DNAH14: variants seen among roughly 807,000 people sequenced by gnomAD.
The protein encoded by DNAH14 is dynein axonemal heavy chain 14.
DNAH14 carries 478 observed loss-of-function variants against 520.9 expected under a neutral mutation model. That is an observed-to-expected ratio of 0.92 (90% CI 0.85 to 0.99). DNAH14 has a LOEUF of 0.99. DNAH14 is among the 50% of genes least tolerant of loss of function. DNAH14 has a pLI of 0.00. For missense variants in DNAH14, 4,831 were observed against 5,234.5 expected, an observed-to-expected ratio of 0.92 and a Z score of 2.38; for synonymous variants, 1,581 against 1,757.2, an observed-to-expected ratio of 0.90 and a Z score of 2.51.
chr1:224,931,616 G>C (rs1298542448), intron 1 of DNAH14, among the ~76,000 whole-genome samples: 2 of 151,972 alleles, frequency 1.3e-5, no homozygotes, highest in East Asian at 3.9e-4. Flanking sequence ...TTATCTATTT[G>C]TCCACTCTCT....
chr1:225,392,587 C>T (rs1410067444), intron 84 of DNAH14, 136 bp downstream of exon 84: 1 of 1,053,214 alleles, frequency 9.5e-7, no homozygotes, highest in African/African-American at 1.6e-5. Flanking sequence ...TCAACAAGCC[C>T]TGCTTCAAGT....
intron 38 of DNAH14, among the ~76,000 whole-genome samples, chr1:225,201,550 A>G (rs2086822278): frequency 6.6e-6 from 1 of 152,202 alleles, no homozygotes; most frequent in Non-Finnish European, 1.5e-5. Context: ...TTTGTCCCAC[A>G]GGGTATTCCC....
chr1:225,233,317 A>T (rs1420695236), intron 42 of DNAH14, among the ~76,000 whole-genome samples: 1 of 152,202 alleles, frequency 6.6e-6, no homozygotes, highest in African/African-American at 2.4e-5. Context: ...TTCTGGGTAT[A>T]TACCCAGTAA....
At chr1:225,049,543 A>G (rs997476667) in intron 15 of DNAH14, among the ~76,000 whole-genome samples, 1 of 152,026 alleles carries the variant, frequency 6.6e-6, no homozygotes, top group Non-Finnish European at 1.5e-5. Flanking sequence ...CTTACTTTTG[A>G]TAAAGTACAG....
At position 225,333,345 on chromosome 1, in the gene DNAH14, G is replaced by A; in HGVS notation, c.9919G>A (p.Gly3307Ser). Residue 3307 changes from glycine (G) to serine (S), a missense_variant, in exon 66 of 86, where the codon GGT (glycine) becomes AGT (serine). By Grantham distance (56) the Gly-to-Ser change is moderately conservative (BLOSUM62 0). Transcript: ENST00000682510. ...AGATAACAAATTAGAAGGAATTTTG[G>A]GTGACATACTTCTTTCAGCAGCGTG... ...QIDNKLEGILGDILLSAACIV... is the reference protein window; with the variant it reads ...QIDNKLEGILSDILLSAACIV... The A allele has an allele frequency of 6.4e-7, 1 of 1,551,624 alleles. No homozygotes were observed. Among genetic ancestry groups the A allele is most frequent in the Non-Finnish European group, 8.7e-7 (1 of 1,146,888 alleles).
intron 8 of DNAH14, among the ~76,000 whole-genome samples, chr1:224,978,487 G>T (rs750477471): frequency 1.3e-5 from 2 of 152,162 alleles, no homozygotes; most frequent in East Asian, 3.8e-4. Flanking sequence ...TAAAACTGTG[G>T]TTATTAGATG....
intron 73 of DNAH14, among the ~76,000 whole-genome samples, chr1:225,357,020 A>G (rs2095436816): frequency 6.6e-6 from 1 of 152,126 alleles, no homozygotes. Context: ...GACCTGTAAG[A>G]GTTAGAAATT....
intron 23 of DNAH14, among the ~76,000 whole-genome samples, chr1:225,116,049 G>A (rs1165851593): frequency 6.6e-6 from 1 of 152,206 alleles, no homozygotes; most frequent in Non-Finnish European, 1.5e-5. Context: ...TTAGATTAGA[G>A]AAGGATGGGT....
intron 38 of DNAH14, among the ~76,000 whole-genome samples, chr1:225,202,315 G>A (rs1211133148): frequency 6.6e-6 from 1 of 152,190 alleles, no homozygotes; most frequent in Admixed American, 6.5e-5. Context: ...ATTAGGTGGG[G>A]ATGAGGCTAG....
chr1:225,020,210 A>T (rs1011631214), intron 10 of DNAH14, among the ~76,000 whole-genome samples: 20 of 152,054 alleles, frequency 1.3e-4, no homozygotes, highest in African/African-American at 4.8e-4. Flanking sequence ...ACAAAAAAAA[A>T]TCTCAGCCAG....
chr1:225,015,493 A>G (rs1040508848), intron 10 of DNAH14, among the ~76,000 whole-genome samples: 2 of 152,138 alleles, frequency 1.3e-5, no homozygotes, highest in East Asian at 1.9e-4. Flanking sequence ...GCATGTTTGC[A>G]CGATGGTGGT....
At position 225,327,471 on chromosome 1, in the gene DNAH14, T is replaced by C. The variant is rs186430907; in HGVS notation, c.9723+2639T>C. On this transcript the variant is annotated intron_variant, in intron 64 of 85. Coordinates refer to ENST00000682510, the MANE Select transcript of DNAH14 (RefSeq NM_001367479.1). ...CCACCGCACCTGGCCGACTAACTCA[T>C]TCTTAAACAGCCAGTGGGTCACAGA... 3.9e-5 allele frequency among the ~76,000 whole-genome samples: 6 copies of C among 152,232 alleles called. No homozygotes were observed. The East Asian group carries it at 1.2e-3, about 29-fold the overall frequency.
intron 81 of DNAH14, among the ~76,000 whole-genome samples, chr1:225,386,311 T>C (rs1332462815): frequency 2.0e-5 from 3 of 152,188 alleles, no homozygotes; most frequent in African/African-American, 4.8e-5. Context: ...ATTCAGGACA[T>C]AGGCATGGGC....
At position 225,240,700 on chromosome 1, in the gene DNAH14, G is replaced by A. The variant is rs1398519703; in HGVS notation, c.6626G>A (p.Arg2209His). The part of the protein sequence containing the change: ...FTWAFGGALN[R>H]EDEHRENIPF... ...TGGGCATTTGGAGGAGCTTTAAACC[G>A]TGAAGATGAACACAGAGAAAATATA... is the stretch of plus-strand genomic sequence containing the variant. The change falls in exon 43 of 86, where the codon CGT becomes CAT. Residue 2209 changes from arginine to histidine, a missense_variant. Transcript: ENST00000682510. The A allele has an allele frequency of 8.9e-5, 138 of 1,550,826 alleles. No individual in the cohort carries two copies. Among genetic ancestry groups the A allele is most frequent in the Non-Finnish European group, 1.1e-4 (129 of 1,146,562 alleles).
chr1:225,371,363 A>G (rs953737916), intron 77 of DNAH14, among the ~76,000 whole-genome samples: 3 of 152,132 alleles, frequency 2.0e-5, no homozygotes, highest in Non-Finnish European at 4.4e-5. Context: ...TAGAAGAGGC[A>G]TTTGTTATGA....
chr1:225,153,986 A>C (rs951810900), intron 34 of DNAH14, among the ~76,000 whole-genome samples, 160 bp downstream of exon 34: 15 of 152,082 alleles, frequency 9.9e-5, no homozygotes, highest in Non-Finnish European at 1.6e-4. Flanking sequence ...AAGAAGAGTA[A>C]GAAAAAATGC....
chr1:225,367,912 A>G lies in DNAH14; in HGVS notation c.12198A>G (p.Gly4066=), dbSNP rs1458716273. 1 of 1,551,564 alleles carries G rather than the reference A, an allele frequency of 6.4e-7. No homozygotes were observed. Among genetic ancestry groups the G allele is most frequent in the East Asian group, 2.4e-5 (1 of 40,930 alleles). ...TEEIFENPDC[G]QWWKKLLFSL... ...AGATATTTGAAAATCCTGACTGTGGACAATGGTGGAAAAAACTTTTATTTA... is the reference window on the plus strand; with the variant it reads ...AGATATTTGAAAATCCTGACTGTGGGCAATGGTGGAAAAAACTTTTATTTA... Residue 4066 remains glycine, a synonymous_variant, in exon 77 of 86, where the codon GGA becomes GGG. Transcript: ENST00000682510.
intron 9 of DNAH14, among the ~76,000 whole-genome samples, chr1:225,006,612 T>C (rs1008034213): frequency 6.6e-6 from 1 of 152,150 alleles, no homozygotes; most frequent in African/African-American, 2.4e-5. Flanking sequence ...GATTAGGAAA[T>C]TCCAGCCTGG....
Position 225,367,863 on chromosome 1 carries a change from C to T in DNAH14, c.12149C>T (p.Thr4050Ile). The T allele has an allele frequency of 6.4e-7, 1 of 1,551,552 alleles. No individual in the cohort carries two copies. The highest frequency in any genetic ancestry group is 8.7e-7 in the Non-Finnish European group (1 of 1,146,894). The change falls in exon 77 of 86, where the codon ACT (threonine) becomes ATT (isoleucine). Residue 4050 changes from threonine (T) to isoleucine (I), a missense_variant. By Grantham distance (89) the Thr-to-Ile change is moderately conservative. Transcript: ENST00000682510. ...AACTTACTTCAGACATTTGGATGTA[C>T]TGGGAGTGGAGAGGTAACAGAAGAG... ...KSNLLQTFGC[T>I]GSGEVTEEIF...
Sources: allele counts gnomAD v4.1 joint callset (sites outside exome capture counted in the v4.1 genomes callset), GRCh38; gene constraint gnomAD v4.1.1; transcripts MANE v1.5; gene names NCBI Gene and HGNC (gene_info 2026-07-23, HGNC 2026-07-21).